The following RBFOX1 variants were observed in gnomAD, a reference collection of about 807,000 sequenced individuals.
RBFOX1 encodes RNA binding protein fox-1 homolog 1.
A neutral mutation model predicts 57.7 loss-of-function variants in RBFOX1; 8 were observed. The observed-to-expected ratio is 0.14, with a 90% CI of 0.08 to 0.25. The LOEUF (loss-of-function observed/expected upper bound fraction) is 0.25, where lower values mean the gene tolerates loss of function less well. Among genes scored for constraint, RBFOX1 ranks in the 10% least tolerant of loss-of-function variants. RBFOX1 has a pLI of 1.00. For missense variants in RBFOX1, 611 were observed against 548.5 expected, an observed-to-expected ratio of 1.11 and a Z score of -1.14; for synonymous variants, 326 against 222.4, an observed-to-expected ratio of 1.47 and a Z score of -4.15.
chr16:5,634,007 A>G (rs1014820674), intron 3 of RBFOX1, among the ~76,000 whole-genome samples: 1 of 152,186 alleles, frequency 6.6e-6, no homozygotes, highest in Non-Finnish European at 1.5e-5. Flanking sequence ...GCCCACCTTG[A>G]GTGTAATGGT....
chr16:5,550,604 C>T (rs147278201), intron 2 of RBFOX1, among the ~76,000 whole-genome samples: 2 of 152,296 alleles, frequency 1.3e-5, no homozygotes, highest in East Asian at 3.9e-4. Flanking sequence ...TCAATTCAAT[C>T]ACCAGCTTGT....
chr16:5,508,092 C>T (rs1303469423), intron 2 of RBFOX1, among the ~76,000 whole-genome samples: 3 of 152,204 alleles, frequency 2.0e-5, no homozygotes. Context: ...TGCTAGTTTT[C>T]TATTGCTATG....
intron 2 of RBFOX1, among the ~76,000 whole-genome samples, chr16:6,486,492 C>T (rs2095484898): frequency 6.6e-6 from 1 of 152,008 alleles, no homozygotes; most frequent in African/African-American, 2.4e-5. Flanking sequence ...TTAAAAACTT[C>T]ACGTGTCTTA....
intron 3 of RBFOX1, among the ~76,000 whole-genome samples, chr16:7,034,841 CTTTTTTCTTTTTT>C (rs1207408647): frequency 2.6e-5 from 1 of 39,166 alleles, no homozygotes; most frequent in African/African-American, 1.2e-4. Context: ...TTTTTTTTTT[CTTTTTTCTTTTTT>C]TTTTTTTTTT....
At chr16:6,966,885 A>G (rs984594817) in intron 3 of RBFOX1, among the ~76,000 whole-genome samples, 2 of 135,030 alleles carry the variant, frequency 1.5e-5, no homozygotes, top group African/African-American at 2.9e-5. Flanking sequence ...GTATCCATCT[A>G]TTCATCTCTC....
intron 1 of RBFOX1, among the ~76,000 whole-genome samples, chr16:5,347,611 C>G: frequency 6.8e-6 from 1 of 146,834 alleles, no homozygotes; most frequent in Non-Finnish European, 1.5e-5. Context: ...CACCCATGCT[C>G]CCATCCCCCT....
At chr16:7,546,023 A>AG (rs1029924356) in intron 5 of RBFOX1, among the ~76,000 whole-genome samples, 11 of 148,046 alleles carry the variant, frequency 7.4e-5, no homozygotes, top group Non-Finnish European at 1.3e-4. Context: ...ATAAAAAAAA[A>AG]AAAAAAAGAA....
At position 7,487,697 on chromosome 16, in the gene RBFOX1, A is replaced by C. The variant is rs148772378; in HGVS notation, c.28-30450A>C. On this transcript the variant is annotated intron_variant, in intron 4 of 15. Transcript: ENST00000550418. ...CACAGACACTCACACACACACATGC[A>C]TTCAAACCTCTCCATGCAGACACAT... is the stretch of plus-strand genomic sequence containing the variant. Among the ~76,000 whole-genome samples the C allele has an allele frequency of 3.6e-3, 543 of 152,260 alleles. 3 individuals are homozygous for C. The highest frequency in any genetic ancestry group is 0.013 in the African/African-American group (521 of 41,554).
At position 7,202,536 on chromosome 16, in the gene RBFOX1, G is replaced by C. The variant is rs184161092; in HGVS notation, c.27+150438G>C. Among the ~76,000 whole-genome samples, 373 of 152,288 alleles carry C rather than the reference G, an allele frequency of 2.4e-3. 4 individuals are homozygous for C. Among genetic ancestry groups the C allele is most frequent in the African/African-American group, 8.3e-3 (343 of 41,572 alleles). On this transcript the variant is annotated intron_variant, in intron 4 of 15. Transcript: ENST00000550418. ...TCCCCAGTCCCTGGGTCATGTAGTG[G>C]TACCGGTGTATGGCCTGTTAGGAAT...
At chr16:7,047,716 C>CTTTTTTTTTTTTTTTTTTTTTTTT (rs55636828) in intron 3 of RBFOX1, among the ~76,000 whole-genome samples, 6 of 47,938 alleles carry the variant, frequency 1.3e-4, no homozygotes, top group Admixed American at 5.0e-4. Flanking sequence ...TCCTGCATTT[C>CTTTTTTTTTTTTTTTTTTTTTTTT]TTTTTTTTTT....
intron 7 of RBFOX1, among the ~76,000 whole-genome samples, chr16:7,589,590 T>C (rs180677581): frequency 3.0e-4 from 45 of 152,188 alleles, no homozygotes; most frequent in Non-Finnish European, 5.0e-4. Flanking sequence ...TTGCAGGTGT[T>C]GGAGCTGACT....
At chr16:7,646,318 TATGGTCCAGCAC>T (rs1173761498) in intron 11 of RBFOX1, among the ~76,000 whole-genome samples, 1 of 152,212 alleles carries the variant, frequency 6.6e-6, no homozygotes, top group Non-Finnish European at 1.5e-5. Flanking sequence ...CTTCTTAATT[TATGGTCCAGCAC>T]ATGGAATGGG....
At chr16:7,478,936 C>T (rs542615416) in intron 4 of RBFOX1, among the ~76,000 whole-genome samples, 22 of 152,120 alleles carry the variant, frequency 1.4e-4, no homozygotes, top group South Asian at 4.2e-4. Context: ...ACCATCATTT[C>T]GTTTGTTCCC....
chr16:7,414,996 G>A (rs576538503), intron 4 of RBFOX1, among the ~76,000 whole-genome samples: 1 of 152,304 alleles, frequency 6.6e-6, no homozygotes, highest in South Asian at 2.1e-4. Flanking sequence ...GAGTTGTGAG[G>A]AGCTTATATG....
At chr16:6,696,786 T>TGTAGAAAAAAAGAGGTGAGAA in intron 3 of RBFOX1, among the ~76,000 whole-genome samples, 1 of 152,244 alleles carries the variant, frequency 6.6e-6, no homozygotes, top group East Asian at 1.9e-4. Flanking sequence ...TGTTTAGTTT[T>TGTAGAAAAAAAGAGGTGAGAA]GTAGAAAAAA....
intron 3 of RBFOX1, among the ~76,000 whole-genome samples, chr16:5,852,934 G>C (rs2056933207): frequency 6.6e-6 from 1 of 152,142 alleles, no homozygotes; most frequent in Admixed American, 6.5e-5. Flanking sequence ...CCCTCCTCTA[G>C]GGCCCCTTTG....
chr16:6,842,583 G>T (rs1472150530), intron 3 of RBFOX1, among the ~76,000 whole-genome samples: 8 of 150,698 alleles, frequency 5.3e-5, no homozygotes, highest in African/African-American at 2.0e-4. Context: ...CCATTGTATA[G>T]ACATACTTAA....
At chr16:5,702,363 A>G (rs1441753572) in intron 3 of RBFOX1, among the ~76,000 whole-genome samples, 1 of 152,200 alleles carries the variant, frequency 6.6e-6, no homozygotes, top group Admixed American at 6.5e-5. Context: ...TCATGAGATA[A>G]CAGCAAGGGA....
intron 2 of RBFOX1, among the ~76,000 whole-genome samples, chr16:6,440,939 C>G (rs569236110): frequency 2.9e-4 from 44 of 152,046 alleles, no homozygotes; most frequent in African/African-American, 9.9e-4. Flanking sequence ...GCTTGATATT[C>G]AGAGCTGGAG....
Sources: gnomAD v4.1 joint callset for allele counts (sites outside exome capture counted in the v4.1 genomes callset) on GRCh38, gnomAD v4.1.1 for gene constraint, MANE v1.5 for transcripts, NCBI Gene and HGNC (gene_info 2026-07-23, HGNC 2026-07-21) for gene names.